STAU2: variants seen among roughly 807,000 people sequenced by gnomAD.
STAU2 encodes staufen double-stranded RNA binding protein 2.
STAU2 carries 20 observed loss-of-function variants against 65.9 expected under a neutral mutation model. That is an observed-to-expected ratio of 0.30 (90% CI 0.21 to 0.44). The LOEUF (loss-of-function observed/expected upper bound fraction) is 0.44, where lower values mean the gene tolerates loss of function less well. Ranked by LOEUF, STAU2 falls within the 20% of genes least tolerant of loss-of-function variation. The pLI is 1.00. For missense variants in STAU2, 558 were observed against 683.9 expected (o/e 0.82, Z 2.05); for synonymous variants, 232 against 233.9 (o/e 0.99, Z 0.07).
intron 13 of STAU2, among the ~76,000 whole-genome samples, chr8:73,473,001 T>A (rs1307120684): frequency 6.6e-6 from 1 of 152,224 alleles, no homozygotes; most frequent in Non-Finnish European, 1.5e-5. Flanking sequence ...TACATTAGAA[T>A]CTTTTCCCAG....
intron 13 of STAU2, among the ~76,000 whole-genome samples, chr8:73,525,949 C>T (rs4237008): frequency 0.89 from 135,321 of 152,234 alleles, 60,281 homozygotes; most frequent in East Asian, 0.93. Flanking sequence ...TTGTAGTTTA[C>T]ACAAGGAAAC....
intron 13 of STAU2, among the ~76,000 whole-genome samples, chr8:73,473,640 C>G (rs2128907077): frequency 6.6e-6 from 1 of 151,906 alleles, no homozygotes; most frequent in East Asian, 1.9e-4. Flanking sequence ...GAACATTGGC[C>G]TGGAAGGAGA....
intron 6 of STAU2, among the ~76,000 whole-genome samples, chr8:73,662,039 T>C (rs767903801): frequency 1.1e-4 from 17 of 152,218 alleles, no homozygotes; most frequent in Non-Finnish European, 1.9e-4. Flanking sequence ...TACCATTTTA[T>C]ATCCCCAGCA....
chr8:73,601,638 T>C (rs1356302671), intron 10 of STAU2, among the ~76,000 whole-genome samples: 1 of 152,168 alleles, frequency 6.6e-6, no homozygotes, highest in Non-Finnish European at 1.5e-5. Context: ...ATGAATCCAC[T>C]GGGGCTTCCA....
At chr8:73,573,188 C>T (rs1316184752) in intron 12 of STAU2, among the ~76,000 whole-genome samples, 1 of 152,182 alleles carries the variant, frequency 6.6e-6, no homozygotes, top group Non-Finnish European at 1.5e-5. Context: ...AGGAATCCAA[C>T]TTATAAGGGA....
chr8:73,472,455 A>AT (rs1307893116), intron 13 of STAU2, among the ~76,000 whole-genome samples: 1 of 152,148 alleles, frequency 6.6e-6, no homozygotes, highest in African/African-American at 2.4e-5. Context: ...AAAATACATT[A>AT]TTTTTTTCTC....
intron 13 of STAU2, among the ~76,000 whole-genome samples, chr8:73,430,309 C>G (rs188179302): frequency 2.6e-5 from 4 of 152,252 alleles, no homozygotes; most frequent in Admixed American, 1.3e-4. Flanking sequence ...GTACAGATAG[C>G]AACAAGCTCA....
Position 73,615,679 on chromosome 8 carries a change from A to G in STAU2, c.674T>C (p.Phe225Ser). The change falls in exon 8 of 15, where the codon TTT becomes TCT. Residue 225 changes from phenylalanine (F) to serine (S), a missense_variant. By Grantham distance (155) the Phe-to-Ser change is radical. Transcript: ENST00000524300. The stretch of plus-strand genomic sequence containing the variant: ...AGATCTCTACCGAGTACATACCTCA[A>G]AACTGACAGGCATATTTCGCTTCAG... ...IALKRNMPVS[F>S]EVIKESGPPH... 3 of 1,613,138 alleles carry G rather than the reference A, an allele frequency of 1.9e-6. No individual in the cohort carries two copies. Among genetic ancestry groups the G allele is most frequent in the Non-Finnish European group, 2.5e-6 (3 of 1,179,258 alleles).
chr8:73,648,213 T>A (rs13272530), intron 6 of STAU2, among the ~76,000 whole-genome samples: 1 of 152,074 alleles, frequency 6.6e-6, no homozygotes, highest in African/African-American at 2.4e-5. Flanking sequence ...ACATATACTA[T>A]CATTCCTAGT....
At chr8:73,559,650 G>A (rs1160458915) in intron 12 of STAU2, among the ~76,000 whole-genome samples, 1 of 152,188 alleles carries the variant, frequency 6.6e-6, no homozygotes, top group Non-Finnish European at 1.5e-5. Flanking sequence ...GTCCCTGAAG[G>A]TCAGGGACAG....
intron 11 of STAU2, among the ~76,000 whole-genome samples, chr8:73,592,990 C>G (rs951116827): frequency 6.6e-6 from 1 of 152,172 alleles, no homozygotes; most frequent in Non-Finnish European, 1.5e-5. Context: ...TGACTACCAC[C>G]TAGCAGTCAT....
intron 13 of STAU2, chr8:73,549,965 G>T: frequency 1.0e-6 from 1 of 985,726 alleles, no homozygotes; most frequent in Non-Finnish European, 1.2e-6. Context: ...TACCTATAAA[G>T]AAATAGGCTT....
intron 6 of STAU2, among the ~76,000 whole-genome samples, chr8:73,659,149 C>T (rs904360194): frequency 1.1e-4 from 16 of 152,124 alleles, no homozygotes; most frequent in Admixed American, 2.0e-4. Flanking sequence ...AAAAGTTTTT[C>T]GGAATTTTTA....
intron 5 of STAU2, among the ~76,000 whole-genome samples, chr8:73,685,901 C>T (rs1349076819): frequency 2.6e-5 from 4 of 152,114 alleles, no homozygotes; most frequent in African/African-American, 7.2e-5. Context: ...TAAAACCAGC[C>T]CAAATGCCCA....
At chr8:73,740,894 G>A (rs1007001342) in intron 1 of STAU2, among the ~76,000 whole-genome samples, 5 of 151,744 alleles carry the variant, frequency 3.3e-5, no homozygotes, top group Admixed American at 6.6e-5. Flanking sequence ...CCAGCTACTC[G>A]GGAGGCTGAG....
Position 73,522,709 on chromosome 8 carries a change from T to C in STAU2, c.1530+29303A>G, listed in dbSNP as rs1019936866. Among the ~76,000 whole-genome samples the C allele has an allele frequency of 8.5e-5, 13 of 152,296 alleles. No individual in the cohort carries two copies. The East Asian group carries it at 2.5e-3, about 29-fold the overall frequency. Reference sequence around the variant, plus strand: ...CTAATATCATATTTGTTGTGATGAATAAGGTAAACATGAGAATGTCAAAAC... The same window carrying C: ...CTAATATCATATTTGTTGTGATGAACAAGGTAAACATGAGAATGTCAAAAC... On this transcript the variant is annotated intron_variant, in intron 13 of 14. Transcript: ENST00000524300.
At chr8:73,574,742 C>T (rs1809386922) in intron 12 of STAU2, among the ~76,000 whole-genome samples, 1 of 152,044 alleles carries the variant, frequency 6.6e-6, no homozygotes, top group Non-Finnish European at 1.5e-5. Context: ...GAACATCACA[C>T]ACTGGGGCCT....
intron 13 of STAU2, among the ~76,000 whole-genome samples, chr8:73,523,357 C>CAA (rs572461995): frequency 1.5e-3 from 227 of 152,018 alleles, no homozygotes; most frequent in African/African-American, 5.3e-3. Flanking sequence ...ATGGCATCCA[C>CAA]ATTTTCTCAG....
chr8:73,556,644 C>A (rs962943591), intron 12 of STAU2, among the ~76,000 whole-genome samples: 7 of 152,108 alleles, frequency 4.6e-5, no homozygotes, highest in Admixed American at 1.3e-4. Flanking sequence ...GAAATCCCAG[C>A]TACTTGGGAG....
Sources: allele counts gnomAD v4.1 joint callset (sites outside exome capture counted in the v4.1 genomes callset), GRCh38; gene constraint gnomAD v4.1.1; transcripts MANE v1.5; gene names NCBI Gene and HGNC (gene_info 2026-07-23, HGNC 2026-07-21).